Variants in VIP observed in about 807,000 individuals in gnomAD.
The protein encoded by VIP is vasoactive intestinal peptide, also known as VIP peptides.
VIP carries 18 observed loss-of-function variants against 20.1 expected under a neutral mutation model. The observed-to-expected ratio is 0.90, with a 90% CI of 0.62 to 1.33. VIP has a LOEUF of 1.33. Ranked by LOEUF, VIP falls within the 40% of genes most tolerant of loss-of-function variation. The pLI, the probability that VIP is intolerant of heterozygous loss-of-function variation, is 0.00. For synonymous variants in VIP, 70 were observed against 68.1 expected, an observed-to-expected ratio of 1.03 and a Z score of -0.14; for missense variants, 209 against 199.4, an observed-to-expected ratio of 1.05 and a Z score of -0.29.
intron 5 of VIP, among the ~76,000 whole-genome samples, chr6:152,756,524 G>T (rs1223801238): frequency 6.6e-6 from 1 of 151,802 alleles, no homozygotes; most frequent in East Asian, 1.9e-4. Context: ...TTCCCCAGTT[G>T]ACTTTACTAT....
intron 6 of VIP, among the ~76,000 whole-genome samples, chr6:152,758,238 T>C (rs1674693799): frequency 6.6e-6 from 1 of 151,992 alleles, no homozygotes; most frequent in African/African-American, 2.4e-5. Flanking sequence ...CTTACCTCAG[T>C]TCCTGATGGG....
chr6:152,756,202 C>T lies in VIP; in HGVS notation c.404C>T (p.Thr135Ile), dbSNP rs779502763. ...GATGCAGTCTTCACTGACAACTATACCCGCCTTAGAAAACAAATGGCTGTA... is the reference window on the plus strand; with the variant it reads ...GATGCAGTCTTCACTGACAACTATATCCGCCTTAGAAAACAAATGGCTGTA... ...HSDAVFTDNYTRLRKQMAVKK... is the reference protein window; with the variant it reads ...HSDAVFTDNYIRLRKQMAVKK... The change falls in exon 5 of 7, where the codon ACC becomes ATC. Residue 135 changes from threonine to isoleucine, a missense_variant. Physicochemically the swap from Thr to Ile is moderately conservative, Grantham distance 89. Coordinates refer to ENST00000367244, the MANE Select transcript of VIP (RefSeq NM_003381.4). 12 of 1,611,854 alleles carry T rather than the reference C, an allele frequency of 7.4e-6. No homozygotes were observed. The highest frequency in any genetic ancestry group is 8.5e-6 in the Non-Finnish European group (10 of 1,178,520).
rs756369178 is a variant in VIP, at chr6:152,755,260, T to G, written c.231-9T>G. Reference sequence around the variant, plus strand: ...AAAATAATAGCTATTTTTTTCTTCCTTGTTTTAGAAATGCCAGGCATGCTG... The same window carrying G: ...AAAATAATAGCTATTTTTTTCTTCCGTGTTTTAGAAATGCCAGGCATGCTG... On this transcript the variant is annotated splice_polypyrimidine_tract_variant and intron_variant, in intron 3 of 6. Transcript: ENST00000367244. 2 of 1,547,454 alleles carry G rather than the reference T, an allele frequency of 1.3e-6. No individual in the cohort carries two copies. The highest frequency in any genetic ancestry group is 1.7e-6 in the Non-Finnish European group (2 of 1,149,360).
At chr6:152,754,410 CTA>C in intron 3 of VIP, 122 bp downstream of exon 3, 1 of 907,742 alleles carries the variant, frequency 1.1e-6, no homozygotes, top group Non-Finnish European at 1.6e-6. Flanking sequence ...CTAGAGGTTT[CTA>C]TGTGTCATGG....
intron 2 of VIP, 120 bp from the exon 3 acceptor site, chr6:152,754,046 A>AT: frequency 9.0e-7 from 1 of 1,115,848 alleles, no homozygotes; most frequent in South Asian, 2.1e-5. Context: ...TGCTATTCTC[A>AT]TATTATGACT....
chr6:152,755,336 A>C lies in VIP; in HGVS notation c.298A>C (p.Lys100Gln). 1.9e-6 allele frequency: 3 copies of C among 1,594,524 alleles called. No homozygotes were observed. Among genetic ancestry groups the C allele is most frequent in the Non-Finnish European group, 2.6e-6 (3 of 1,170,184 alleles). Residue 100 changes from lysine to glutamine, a missense_variant, in exon 4 of 7, where the codon AAA (lysine) becomes CAA (glutamine). Coordinates refer to ENST00000367244, the MANE Select transcript of VIP (RefSeq NM_003381.4). ...FSKLLGQLSA[K>Q]KYLESLMGKR... ...TAAACTCTTGGGTCAACTTTCTGCCAAAAAGTACCTTGAGTCTCTTATGGG... is the reference window on the plus strand; with the variant it reads ...TAAACTCTTGGGTCAACTTTCTGCCCAAAAGTACCTTGAGTCTCTTATGGG...
At chr6:152,753,522 C>T (rs1440897429) in intron 2 of VIP, among the ~76,000 whole-genome samples, 1 of 152,104 alleles carries the variant, frequency 6.6e-6, no homozygotes, top group East Asian at 1.9e-4. Flanking sequence ...TGTGTTAATA[C>T]ATAAGATTAG....
intron 5 of VIP, 100 bp from the exon 6 acceptor site, chr6:152,756,996 C>T: frequency 8.8e-7 from 1 of 1,130,746 alleles, no homozygotes; most frequent in Non-Finnish European, 1.3e-6. Context: ...CATACACTTT[C>T]AGAGCACAGA....
chr6:152,758,781 C>T (rs1347758630), intron 6 of VIP, 129 bp from the exon 7 acceptor site: 3 of 151,992 alleles, frequency 2.0e-5, no homozygotes, highest in African/African-American at 7.2e-5. Context: ...ACATGATCCC[C>T]TGCCACAGGC....
intron 4 of VIP, among the ~76,000 whole-genome samples, chr6:152,755,894 T>G (rs1459709638): frequency 3.5e-4 from 53 of 151,998 alleles, no homozygotes. Flanking sequence ...TTGGATGAAT[T>G]ATTTGCTCAG....
chr6:152,755,432 A>G, intron 4 of VIP, 59 bp downstream of exon 4: 1 of 1,055,728 alleles, frequency 9.5e-7, no homozygotes, highest in Non-Finnish European at 1.3e-6. Flanking sequence ...TGAATATTGT[A>G]TTTTCACTCT....
At chr6:152,754,531 A>G (rs1273724606) in intron 3 of VIP, among the ~76,000 whole-genome samples, 1 of 152,014 alleles carries the variant, frequency 6.6e-6, no homozygotes, top group African/African-American at 2.4e-5. Context: ...TCTGTTGCAC[A>G]TAATTCCAAC....
intron 5 of VIP, among the ~76,000 whole-genome samples, chr6:152,756,793 T>A (rs1288532228): frequency 6.6e-6 from 1 of 151,968 alleles, no homozygotes; most frequent in East Asian, 1.9e-4. Context: ...AACAGTGTAG[T>A]GTTCTGTCTT....
chr6:152,753,309 C>T (rs2099729932), intron 2 of VIP, among the ~76,000 whole-genome samples: 1 of 152,126 alleles, frequency 6.6e-6, no homozygotes, highest in African/African-American at 2.4e-5. Context: ...TCCCAACTCC[C>T]AAATCACTGA....
intron 2 of VIP, 126 bp downstream of exon 2, chr6:152,752,410 G>A (rs1440782776): frequency 2.8e-6 from 2 of 724,738 alleles, no homozygotes; most frequent in Non-Finnish European, 2.1e-6. Context: ...TTTCCTTGAT[G>A]TGTTGAGTGA....
chr6:152,757,869 A>C lies in VIP; in HGVS notation c.*43+685A>C, dbSNP rs1467710332. On this transcript the variant is annotated intron_variant, in intron 6 of 6. Transcript: ENST00000367244. ...ATTGATTTTATATAAATGTGGGTTC[A>C]AGACATATTTCTTTCCTGAGTTACA... is the stretch of plus-strand genomic sequence containing the variant. Among the ~76,000 whole-genome samples, 3 of 151,936 alleles carry C rather than the reference A, an allele frequency of 2.0e-5. No individual in the cohort carries two copies. In the East Asian group the frequency reaches 5.8e-4, roughly 29 times the overall value.
At position 152,758,138 on chromosome 6, in the gene VIP, C is replaced by T. The variant is rs539534012; in HGVS notation, c.*44-772C>T. 3.9e-5 allele frequency among the ~76,000 whole-genome samples: 6 copies of T among 152,044 alleles called. No homozygotes were observed. In the South Asian group the frequency reaches 1.2e-3, roughly 32 times the overall value. On this transcript the variant is annotated intron_variant, in intron 6 of 6. Coordinates refer to ENST00000367244, the MANE Select transcript of VIP (RefSeq NM_003381.4). ...GACTGTGTTCCAATAAAACTTTATT[C>T]ATAAAACCTGAAGGTGAGCCAGATT...
At chr6:152,756,327 C>A in intron 5 of VIP, 62 bp downstream of exon 5, 1 of 1,537,020 alleles carries the variant, frequency 6.5e-7, no homozygotes, top group South Asian at 1.3e-5. Flanking sequence ...ATAGAAGCTG[C>A]ACATGGAGAC....
At position 152,756,657 on chromosome 6, in the gene VIP, G is replaced by A. The variant is rs144174175; in HGVS notation, c.467+392G>A. ...GTCAATTGCAATTTGGTAACACATG[G>A]AACTCACTTCGTGTGCATATTCACT... On this transcript the variant is annotated intron_variant, in intron 5 of 6. Transcript: ENST00000367244. 3.4e-3 allele frequency among the ~76,000 whole-genome samples: 520 copies of A among 151,898 alleles called. 1 individual carries two copies. The highest frequency in any genetic ancestry group is 9.6e-3 in the South Asian group (46 of 4,808).
Sources: allele counts gnomAD v4.1 joint callset (sites outside exome capture counted in the v4.1 genomes callset), GRCh38; gene constraint gnomAD v4.1.1; transcripts MANE v1.5; gene names NCBI Gene and HGNC (gene_info 2026-07-23, HGNC 2026-07-21).